Variants in GALNTL6 observed in about 807,000 individuals in gnomAD.
GALNTL6 encodes polypeptide N-acetylgalactosaminyltransferase-like 6.
In GALNTL6, 46 loss-of-function variants were observed where a neutral mutation model predicts 73.7. That is an observed-to-expected ratio of 0.62 (90% CI 0.49 to 0.80). The LOEUF (loss-of-function observed/expected upper bound fraction) is 0.80, where lower values mean the gene tolerates loss of function less well. Among genes scored for constraint, GALNTL6 ranks in the 30% least tolerant of loss-of-function variants. The pLI is 0.00. For missense variants in GALNTL6, 604 were observed against 755.0 expected (o/e 0.80, Z 2.34); for synonymous variants, 259 against 263.7 (o/e 0.98, Z 0.17).
At chr4:172,862,044 T>A (rs551326636) in intron 7 of GALNTL6, among the ~76,000 whole-genome samples, 21 of 152,218 alleles carry the variant, frequency 1.4e-4, no homozygotes, top group African/African-American at 5.1e-4. Context: ...GTTGGAACTG[T>A]TTGGAGGGCT....
intron 2 of GALNTL6, among the ~76,000 whole-genome samples, chr4:172,039,065 C>T (rs1742015411): frequency 6.6e-6 from 1 of 152,170 alleles, no homozygotes; most frequent in Non-Finnish European, 1.5e-5. Flanking sequence ...TCAGGCTCCA[C>T]TAATTGTTCT....
At chr4:172,011,669 G>A (rs1741011800) in intron 2 of GALNTL6, among the ~76,000 whole-genome samples, 2 of 151,860 alleles carry the variant, frequency 1.3e-5, no homozygotes, top group South Asian at 4.1e-4. Context: ...TAAACCTCTA[G>A]TTACAGAATC....
chr4:172,016,374 A>G (rs529169803), intron 2 of GALNTL6, among the ~76,000 whole-genome samples: 87 of 152,046 alleles, frequency 5.7e-4, no homozygotes, highest in African/African-American at 2.0e-3. Context: ...TTTCCACTGC[A>G]TTTTGTATTT....
chr4:172,337,005 A>G (rs983347688), intron 4 of GALNTL6, among the ~76,000 whole-genome samples: 1 of 152,154 alleles, frequency 6.6e-6, no homozygotes, highest in African/African-American at 2.4e-5. Flanking sequence ...GCAATGCCCT[A>G]TCATCATTAT....
rs141512639 is a variant in GALNTL6, at chr4:172,373,226, C to T, written c.553+24537C>T. ...TGGGACGTGTGGTCTGTGGGATCCT[C>T]AAAGGCAAAGAGAAACTGGGAGTCA... On this transcript the variant is annotated intron_variant, in intron 5 of 12. Transcript: ENST00000506823. 9.0e-3 allele frequency among the ~76,000 whole-genome samples: 1,364 copies of T among 152,284 alleles called. 8 individuals carry two copies. Among genetic ancestry groups the T allele is most frequent in the Non-Finnish European group, 0.013 (906 of 68,026 alleles).
intron 5 of GALNTL6, among the ~76,000 whole-genome samples, chr4:172,383,212 A>C (rs552547668): frequency 2.6e-5 from 4 of 152,206 alleles, no homozygotes; most frequent in South Asian, 4.2e-4. Context: ...TCCGTGTACC[A>C]AATTGGAGAG....
Position 173,009,294 on chromosome 4 carries a change from G to C in GALNTL6, c.1488G>C (p.Gln496His). The change falls in exon 11 of 13, where the codon CAG becomes CAC. Residue 496 changes from glutamine (Q) to histidine (H), a missense_variant and splice_region_variant. Physicochemically the swap from Gln to His is conservative, Grantham distance 24 (BLOSUM62 0). Around this residue, in one of 5 missense-constraint regions of GALNTL6, gnomAD observed 261 missense variants for 296.5 expected, o/e 0.88. Coordinates refer to ENST00000506823, the MANE Select transcript of GALNTL6 (RefSeq NM_001034845.3). Reference sequence around the variant, plus strand: ...CTGAAAGAACATGGTCTCATGAACAGGTGAGTCACCTCCCAGAAGCCAGGG... The same window carrying C: ...CTGAAAGAACATGGTCTCATGAACACGTGAGTCACCTCCCAGAAGCCAGGG... Reference protein sequence around the residue: ...DGSERTWSHEQLFTFGWREDI... With the variant: ...DGSERTWSHEHLFTFGWREDI... The C allele has an allele frequency of 6.3e-7, 1 of 1,594,108 alleles. No homozygotes were observed. The highest frequency in any genetic ancestry group is 1.3e-5 in the African/African-American group (1 of 74,692).
chr4:172,528,459 G>T (rs914713289), intron 5 of GALNTL6, among the ~76,000 whole-genome samples: 16 of 150,540 alleles, frequency 1.1e-4, no homozygotes, highest in African/African-American at 3.9e-4. Context: ...CCAGGTTCAA[G>T]TGATTCTCCT....
At chr4:172,363,176 T>G (rs1019704402) in intron 5 of GALNTL6, among the ~76,000 whole-genome samples, 6 of 152,152 alleles carry the variant, frequency 3.9e-5, no homozygotes, top group Non-Finnish European at 8.8e-5. Context: ...CAAATTTTGC[T>G]TCACATGGCA....
At chr4:172,698,382 A>G (rs1174246323) in intron 5 of GALNTL6, among the ~76,000 whole-genome samples, 3 of 152,178 alleles carry the variant, frequency 2.0e-5, no homozygotes, top group South Asian at 4.2e-4. Context: ...GGCTCCTCCC[A>G]TAGCCTCTGA....
chr4:172,574,853 A>G (rs1736900965), intron 5 of GALNTL6, among the ~76,000 whole-genome samples: 1 of 152,140 alleles, frequency 6.6e-6, no homozygotes, highest in Non-Finnish European at 1.5e-5. Flanking sequence ...CTTTGCATTT[A>G]CATTTTCCAA....
chr4:172,831,121 G>GCA (rs1742605916), intron 7 of GALNTL6, among the ~76,000 whole-genome samples: 2 of 120,178 alleles, frequency 1.7e-5, no homozygotes, highest in African/African-American at 6.6e-5. Flanking sequence ...TCGCACCACT[G>GCA]CACTCCAGCC....
At chr4:172,836,581 A>G (rs1560984321) in intron 7 of GALNTL6, among the ~76,000 whole-genome samples, 1 of 152,236 alleles carries the variant, frequency 6.6e-6, no homozygotes, top group Non-Finnish European at 1.5e-5. Flanking sequence ...CAATGTAAAT[A>G]CATGTAACTT....
chr4:172,589,757 A>G (rs974028537), intron 5 of GALNTL6, among the ~76,000 whole-genome samples: 1 of 152,216 alleles, frequency 6.6e-6, no homozygotes, highest in African/African-American at 2.4e-5. Context: ...ACTTTAAATG[A>G]ATGGCATAGT....
rs557621570 is a variant in GALNTL6, at chr4:172,323,420, A to G, written c.386+11668A>G. ...ATACGCTGACATTAACACAATTACT[A>G]TGTAAATTGGTGCTTGGAAATGACT... On this transcript the variant is annotated intron_variant, in intron 4 of 12. Transcript: ENST00000506823. Among the ~76,000 whole-genome samples, 475 of 152,294 alleles carry G rather than the reference A, an allele frequency of 3.1e-3. 2 individuals carry two copies. Among genetic ancestry groups the G allele is most frequent in the African/African-American group, 6.5e-3 (270 of 41,574 alleles).
At chr4:172,057,068 A>G (rs1731037557) in intron 2 of GALNTL6, among the ~76,000 whole-genome samples, 2 of 152,176 alleles carry the variant, frequency 1.3e-5, no homozygotes, top group Admixed American at 6.6e-5. Flanking sequence ...TTTTGCAAGA[A>G]CGCATAAACT....
At chr4:171,949,843 G>A (rs1047867670) in intron 2 of GALNTL6, among the ~76,000 whole-genome samples, 15 of 152,254 alleles carry the variant, frequency 9.9e-5, no homozygotes, top group Middle Eastern at 3.4e-3. Context: ...GGTAGAATGC[G>A]TAAAAGAGAG....
At chr4:172,748,743 C>A (rs11722378) in intron 5 of GALNTL6, among the ~76,000 whole-genome samples, 1 of 151,878 alleles carries the variant, frequency 6.6e-6, no homozygotes, top group Non-Finnish European at 1.5e-5. Context: ...TTCAAAATAG[C>A]TAAAAGAGAG....
intron 2 of GALNTL6, among the ~76,000 whole-genome samples, chr4:172,162,434 G>A (rs961120003): frequency 1.3e-5 from 2 of 151,782 alleles, no homozygotes; most frequent in Non-Finnish European, 2.9e-5. Context: ...TTGCTTCCTG[G>A]TACATCTCTG....
Sources: allele counts gnomAD v4.1 joint callset (sites outside exome capture counted in the v4.1 genomes callset), GRCh38; gene constraint gnomAD v4.1.1; regional missense constraint gnomAD v4.1.1; transcripts MANE v1.5; gene names NCBI Gene and HGNC (gene_info 2026-07-23, HGNC 2026-07-21).